The following ZNF607 variants were observed in gnomAD, a reference collection of about 807,000 sequenced individuals.
The protein encoded by ZNF607 is zinc finger protein 607.
ZNF607 carries 5 observed loss-of-function variants against 12.8 expected under a neutral mutation model. That is an observed-to-expected ratio of 0.39 (90% CI 0.20 to 0.82). The LOEUF (loss-of-function observed/expected upper bound fraction) is 0.82. Among genes scored for constraint, ZNF607 ranks in the 40% least tolerant of loss-of-function variants. The probability of loss-of-function intolerance (pLI) is 0.39; values close to 1 mark genes in which losing one functional copy is unlikely to be tolerated. For missense variants in ZNF607, 851 were observed against 859.2 expected (o/e 0.99, Z 0.12); for synonymous variants, 287 against 276.2 (o/e 1.04, Z -0.39).
chr19:37,708,393 G>C (rs1050932891), intron 3 of ZNF607, among the ~76,000 whole-genome samples: 41 of 151,300 alleles, frequency 2.7e-4, no homozygotes, highest in African/African-American at 8.7e-4. Flanking sequence ...ATGGGGTTTC[G>C]CCATGTTGGC....
Position 37,697,420 on chromosome 19 carries a change from C to G in ZNF607, c.*620G>C. 4 of 1,070,616 alleles carry G rather than the reference C, an allele frequency of 3.7e-6. No individual in the cohort carries two copies. The highest frequency in any genetic ancestry group is 5.6e-6 in the Non-Finnish European group (4 of 712,236). The allele number at this position is 1,070,616 out of a possible 1,614,324, so 66.3% of individuals were successfully genotyped here. A position where few individuals can be genotyped will look rare whatever the true frequency, so the allele number is the denominator to read the frequency against. On this transcript the variant is annotated 3_prime_UTR_variant, in exon 5 of 5. Transcript: ENST00000355202. ...GCAGCCATGTTTTCTTCTGCGGGACCCTCTCACACCTGCTTCCACTCTGAC... is the reference window on the plus strand; with the variant it reads ...GCAGCCATGTTTTCTTCTGCGGGACGCTCTCACACCTGCTTCCACTCTGAC...
At position 37,696,980 on chromosome 19, in the gene ZNF607, G is replaced by C. The variant is rs192290556; in HGVS notation, c.*1060C>G. 9 of 704,484 alleles carry C rather than the reference G, an allele frequency of 1.3e-5. No homozygotes were observed. The allele number at this position is 704,484 out of a possible 1,614,324, so 43.6% of individuals were successfully genotyped here. ...CCTGGCTGGAGACCAGCTCCCTCTG[G>C]GTGATTAGTTCTCCAGCATCAAAGC... On this transcript the variant is annotated 3_prime_UTR_variant, in exon 5 of 5. Transcript: ENST00000355202.
intron 1 of ZNF607, among the ~76,000 whole-genome samples, chr19:37,718,551 G>A (rs982028500): frequency 6.6e-6 from 1 of 152,124 alleles, no homozygotes; most frequent in Admixed American, 6.6e-5. Context: ...CTTTTCAGGA[G>A]GGAATCCTAC....
Position 37,698,385 on chromosome 19 carries a change from A to G in ZNF607, c.1746T>C (p.Thr582=), listed in dbSNP as rs1269420676. 1.2e-6 allele frequency: 2 copies of G among 1,614,070 alleles called. No individual in the cohort carries two copies. Among genetic ancestry groups the G allele is most frequent in the East Asian group, 2.2e-5 (1 of 44,884 alleles). ...ATTCATAGGACTTTTCACCAGCATG[A>G]GTTCGGTCATGATATATGAGGCTTG... ...HATSLIYHDR[T]HAGEKSYECK... The change falls in exon 5 of 5, where the codon ACT becomes ACC. Residue 582 remains threonine, a synonymous_variant. Coordinates refer to ENST00000355202, the MANE Select transcript of ZNF607 (RefSeq NM_032689.5).
intron 3 of ZNF607, 64 bp downstream of exon 3, chr19:37,709,632 G>C (rs1018222408): frequency 4.3e-5 from 66 of 1,542,050 alleles, no homozygotes; most frequent in Non-Finnish European, 5.8e-5. Context: ...AACAGAAAAA[G>C]AATGTATCCT....
chr19:37,701,998 A>G (rs1251702269), intron 4 of ZNF607, among the ~76,000 whole-genome samples: 4 of 152,198 alleles, frequency 2.6e-5, no homozygotes, highest in Admixed American at 2.6e-4. Flanking sequence ...TGGTTTAAAA[A>G]ATTTTAGCTG....
At chr19:37,712,285 C>T (rs1343807140) in intron 1 of ZNF607, among the ~76,000 whole-genome samples, 35 of 152,116 alleles carry the variant, frequency 2.3e-4, no homozygotes, top group Admixed American at 2.2e-3. Context: ...ATCAGACTGA[C>T]CAATACATTT....
chr19:37,715,143 T>C lies in ZNF607; in HGVS notation c.-74-3451A>G, dbSNP rs183269569. 1.5e-4 allele frequency among the ~76,000 whole-genome samples: 23 copies of C among 151,776 alleles called. No individual in the cohort carries two copies. The East Asian group carries it at 4.4e-3, about 29-fold the overall frequency. On this transcript the variant is annotated intron_variant, in intron 1 of 4. Transcript: ENST00000355202. ...GGCTGGTCTAGAACTCCTGACTTAG[T>C]GATCTGCCCACCTCAGCCTCCCAAA...
Position 37,699,068 on chromosome 19 carries a change from G to GTGCA in ZNF607, c.1059_1062dup (p.Pro355CysfsTer6). 1 of 1,613,982 alleles carries GTGCA rather than the reference G, an allele frequency of 6.2e-7. No homozygotes were observed. The highest frequency in any genetic ancestry group is 1.3e-5 in the African/African-American group (1 of 74,960). ...TTCTCAACACTTTCAAATGTATGAG[G>GTGCA]TGCAGTAAGTTGATGGCCACTACTA... is the stretch of plus-strand genomic sequence containing the variant. On this transcript the variant is annotated frameshift_variant, in exon 5 of 5. Transcript: ENST00000355202. LOFTEE classifies it low-confidence loss of function (END_TRUNC).
chr19:37,697,962 C>T lies in ZNF607; in HGVS notation c.*78G>A. The T allele has an allele frequency of 1.5e-6, 2 of 1,363,836 alleles. No individual in the cohort carries two copies. The allele number at this position is 1,363,836 out of a possible 1,614,324, so 84.5% of individuals were successfully genotyped here. Reference sequence around the variant, plus strand: ...TCTCAAAGCCATTCCACATTGTCTTCATTCAAATTGTTCAGTGGGATAAAT... The same window carrying T: ...TCTCAAAGCCATTCCACATTGTCTTTATTCAAATTGTTCAGTGGGATAAAT... On this transcript the variant is annotated 3_prime_UTR_variant, in exon 5 of 5. Transcript: ENST00000355202.
At position 37,696,762 on chromosome 19, in the gene ZNF607, G is replaced by GGC. The variant is rs1390603114; in HGVS notation, c.*1276_*1277dup. 3.8e-6 allele frequency: 5 copies of GGC among 1,317,762 alleles called. No homozygotes were observed. Among genetic ancestry groups the GGC allele is most frequent in the Admixed American group, 1.7e-5 (1 of 57,290 alleles). 81.6% of individuals were successfully genotyped at this position (1,317,762 alleles called of 1,614,324 possible). A position where few individuals can be genotyped will look rare whatever the true frequency, so the allele number is the denominator to read the frequency against. The stretch of plus-strand genomic sequence containing the variant: ...CGTCCCCTGCAGTGGCCAGTGAGTT[G>GGC]GCGATCAGCTCAGCTGCCTTGGAGT... On this transcript the variant is annotated 3_prime_UTR_variant, in exon 5 of 5. Coordinates refer to ENST00000355202, the MANE Select transcript of ZNF607 (RefSeq NM_032689.5).
At chr19:37,712,409 G>A (rs1040520579) in intron 1 of ZNF607, among the ~76,000 whole-genome samples, 1 of 152,174 alleles carries the variant, frequency 6.6e-6, no homozygotes, top group Non-Finnish European at 1.5e-5. Flanking sequence ...TACCCAGGAG[G>A]CTGAGGCGAG....
chr19:37,718,300 T>A (rs1246209124), intron 1 of ZNF607, among the ~76,000 whole-genome samples: 1 of 152,178 alleles, frequency 6.6e-6, no homozygotes. Context: ...TTCTTGTTGC[T>A]TTTGATCTAC....
At chr19:37,710,387 G>C (rs2045122862) in intron 2 of ZNF607, among the ~76,000 whole-genome samples, 1 of 150,114 alleles carries the variant, frequency 6.7e-6, no homozygotes, top group Admixed American at 6.7e-5. Context: ...AATCCCTTGA[G>C]CCTAGAAGGC....
At chr19:37,705,478 C>T (rs1338708720) in intron 4 of ZNF607, among the ~76,000 whole-genome samples, 1 of 151,854 alleles carries the variant, frequency 6.6e-6, no homozygotes, top group Non-Finnish European at 1.5e-5. Context: ...TGAGGTCAGG[C>T]GTTTGAAACC....
At chr19:37,707,435 C>A (rs182222158) in intron 4 of ZNF607, among the ~76,000 whole-genome samples, 29 of 151,956 alleles carry the variant, frequency 1.9e-4, no homozygotes, top group Middle Eastern at 6.8e-3. Context: ...CAGAGTGAGA[C>A]CTTATCTCAA....
chr19:37,698,481 G>C lies in ZNF607; in HGVS notation c.1650C>G (p.Ala550=). ...TCTCAGCGCTATGAATATTCTGATG[G>C]GCTTTAAGTACAGAAATGAACCTAA... The part of the protein sequence containing the change: ...KSFRFISVLK[A]HQNIHSAEKP... The change falls in exon 5 of 5, where the codon GCC becomes GCG. Residue 550 remains alanine, a synonymous_variant. Transcript: ENST00000355202. 2 of 1,613,200 alleles carry C rather than the reference G, an allele frequency of 1.2e-6. No individual in the cohort carries two copies. The highest frequency in any genetic ancestry group is 1.7e-6 in the Non-Finnish European group (2 of 1,179,762).
intron 2 of ZNF607, among the ~76,000 whole-genome samples, chr19:37,710,508 G>A (rs943806832): frequency 2.6e-5 from 4 of 151,738 alleles, no homozygotes; most frequent in East Asian, 1.9e-4. Context: ...ATGGAGTGGA[G>A]GAGATGAAGG....
intron 1 of ZNF607, among the ~76,000 whole-genome samples, chr19:37,714,821 C>T (rs34607899): frequency 0.15 from 23,199 of 152,034 alleles, 2,124 homozygotes; most frequent in Non-Finnish European, 0.21. Context: ...ACTGTAATAA[C>T]ATTATCATCA....
Sources: allele counts gnomAD v4.1 joint callset (sites outside exome capture counted in the v4.1 genomes callset), GRCh38; gene constraint gnomAD v4.1.1; transcripts MANE v1.5; gene names NCBI Gene and HGNC (gene_info 2026-07-23, HGNC 2026-07-21).